ADGRB3: variants seen among roughly 807,000 people sequenced by gnomAD.
ADGRB3 encodes the protein brain-specific angiogenesis inhibitor 3.
Under a neutral mutation model 193.4 loss-of-function variants are expected in ADGRB3, and 37 were observed. The ratio of observed to expected loss-of-function variants is 0.19; its 90% CI spans 0.15 to 0.25. The LOEUF (loss-of-function observed/expected upper bound fraction) is 0.25, where lower values mean the gene tolerates loss of function less well. Ranked by LOEUF, ADGRB3 falls within the 10% of genes least tolerant of loss-of-function variation. ADGRB3 has a pLI of 1.00. For missense variants in ADGRB3, 1,637 were observed against 1,852.9 expected, an observed-to-expected ratio of 0.88 and a Z score of 2.14; for synonymous variants, 690 against 644.2, an observed-to-expected ratio of 1.07 and a Z score of -1.08.
chr6:69,158,645 G>C (rs1774909152), intron 17 of ADGRB3, among the ~76,000 whole-genome samples: 1 of 152,080 alleles, frequency 6.6e-6, no homozygotes, highest in Admixed American at 6.5e-5. Context: ...CTCATTACAG[G>C]ATATTGGGGA....
At chr6:69,134,249 C>T (rs1774091178) in intron 17 of ADGRB3, among the ~76,000 whole-genome samples, 1 of 152,008 alleles carries the variant, frequency 6.6e-6, no homozygotes, top group Admixed American at 6.6e-5. Context: ...ACCATTTATG[C>T]CCTCTACCCT....
intron 3 of ADGRB3, among the ~76,000 whole-genome samples, chr6:68,821,148 T>C (rs1041912720): frequency 1.3e-5 from 2 of 152,044 alleles, no homozygotes; most frequent in African/African-American, 2.4e-5. Flanking sequence ...TAACAGGACA[T>C]AGAAAATACT....
intron 26 of ADGRB3, among the ~76,000 whole-genome samples, chr6:69,353,861 C>T (rs553127011): frequency 7.4e-4 from 112 of 152,122 alleles, no homozygotes; most frequent in Admixed American, 3.3e-3. Flanking sequence ...GTCAGAAGTT[C>T]GAGACCAGCC....
intron 3 of ADGRB3, among the ~76,000 whole-genome samples, chr6:68,766,832 T>G (rs1420133783): frequency 1.3e-5 from 2 of 152,038 alleles, no homozygotes; most frequent in Admixed American, 1.3e-4. Flanking sequence ...ATATAGTATC[T>G]GTATATGATT....
At chr6:69,161,315 A>G (rs1582508996) in intron 17 of ADGRB3, among the ~76,000 whole-genome samples, 1 of 152,114 alleles carries the variant, frequency 6.6e-6, no homozygotes, top group Non-Finnish European at 1.5e-5. Flanking sequence ...AATTGGTTGG[A>G]ATGGAGAATG....
chr6:69,013,049 C>G (rs905802322), intron 11 of ADGRB3, among the ~76,000 whole-genome samples: 4 of 152,058 alleles, frequency 2.6e-5, no homozygotes, highest in African/African-American at 9.7e-5. Flanking sequence ...TCATGCCTTC[C>G]CTTTACACTT....
intron 17 of ADGRB3, among the ~76,000 whole-genome samples, chr6:69,099,826 A>G (rs1582459742): frequency 1.3e-5 from 2 of 152,348 alleles, no homozygotes; most frequent in East Asian, 3.9e-4. Flanking sequence ...CTCACCCAGT[A>G]TTATGTAACC....
At chr6:69,092,719 C>T (rs910402382) in intron 17 of ADGRB3, among the ~76,000 whole-genome samples, 3 of 152,044 alleles carry the variant, frequency 2.0e-5, no homozygotes, top group African/African-American at 7.2e-5. Context: ...GAAGGCAGAA[C>T]CAATCAGACT....
At chr6:68,978,644 G>T (rs1280868407) in intron 10 of ADGRB3, among the ~76,000 whole-genome samples, 1 of 151,464 alleles carries the variant, frequency 6.6e-6, no homozygotes, top group African/African-American at 2.4e-5. Flanking sequence ...TCATTCTGTT[G>T]CTTTGCTAAG....
intron 3 of ADGRB3, among the ~76,000 whole-genome samples, chr6:68,759,249 A>G (rs1374094240): frequency 6.6e-6 from 1 of 152,150 alleles, no homozygotes; most frequent in South Asian, 2.1e-4. Context: ...CTACCAATAA[A>G]AAGCATTTAT....
intron 31 of ADGRB3, among the ~76,000 whole-genome samples, chr6:69,386,826 G>A (rs1029763851): frequency 3.9e-5 from 6 of 152,080 alleles, no homozygotes; most frequent in Middle Eastern, 3.4e-3. Flanking sequence ...TGTGTTTCCT[G>A]TATAAAGAAG....
At chr6:68,795,771 G>A (rs1767195470) in intron 3 of ADGRB3, among the ~76,000 whole-genome samples, 2 of 152,070 alleles carry the variant, frequency 1.3e-5, no homozygotes, top group South Asian at 4.1e-4. Flanking sequence ...GCATCCTGAG[G>A]AGGAAGTTTG....
chr6:68,651,748 T>A (rs1007073954), intron 3 of ADGRB3, among the ~76,000 whole-genome samples: 1 of 152,148 alleles, frequency 6.6e-6, no homozygotes, highest in Non-Finnish European at 1.5e-5. Flanking sequence ...TTGGATGAAG[T>A]GGGCAGAAAG....
At chr6:68,908,223 A>G (rs1313706499) in intron 3 of ADGRB3, among the ~76,000 whole-genome samples, 2 of 152,004 alleles carry the variant, frequency 1.3e-5, no homozygotes, top group Non-Finnish European at 2.9e-5. Flanking sequence ...GGCATTATTG[A>G]TCGATGACCA....
chr6:68,639,627 A>C (rs1768035851), intron 3 of ADGRB3, among the ~76,000 whole-genome samples, 195 bp downstream of exon 3: 1 of 152,146 alleles, frequency 6.6e-6, no homozygotes. Context: ...GGCGGTGAGG[A>C]CTGGATAGCT....
chr6:69,248,378 A>G (rs1191381152), intron 20 of ADGRB3, among the ~76,000 whole-genome samples: 1 of 152,252 alleles, frequency 6.6e-6, no homozygotes, highest in Non-Finnish European at 1.5e-5. Flanking sequence ...AGATAAGATT[A>G]CAATAGAATT....
intron 3 of ADGRB3, among the ~76,000 whole-genome samples, chr6:68,870,820 A>T (rs562494861): frequency 6.6e-6 from 1 of 152,230 alleles, no homozygotes; most frequent in South Asian, 2.1e-4. Context: ...AATATCTGTG[A>T]TGTGTTTAGA....
intron 17 of ADGRB3, among the ~76,000 whole-genome samples, chr6:69,186,689 A>G (rs956501941): frequency 1.1e-4 from 16 of 152,158 alleles, no homozygotes; most frequent in Admixed American, 9.2e-4. Flanking sequence ...CTTTGAACCA[A>G]AAATCTGCTT....
At chr6:69,295,443 C>A (rs1767792914) in intron 20 of ADGRB3, among the ~76,000 whole-genome samples, 1 of 152,076 alleles carries the variant, frequency 6.6e-6, no homozygotes, top group African/African-American at 2.4e-5. Context: ...GCCCCCACCC[C>A]ACAATTCAGG....
Sources: allele counts gnomAD v4.1 joint callset (sites outside exome capture counted in the v4.1 genomes callset), GRCh38; gene constraint gnomAD v4.1.1; transcripts MANE v1.5; gene names NCBI Gene and HGNC (gene_info 2026-07-23, HGNC 2026-07-21).